The following PCDH15 variants were observed in gnomAD, a reference collection of about 807,000 sequenced individuals.
PCDH15 encodes the protein protocadherin related 15.
Under a neutral mutation model 178.5 loss-of-function variants are expected in PCDH15, and 129 were observed. That is an observed-to-expected ratio of 0.72 (90% confidence interval 0.63 to 0.84). The LOEUF is 0.84. Among genes scored for constraint, PCDH15 ranks in the 40% least tolerant of loss-of-function variants. The probability of loss-of-function intolerance (pLI) is 0.00; values close to 1 mark genes in which losing one functional copy is unlikely to be tolerated. For synonymous variants in PCDH15, 800 were observed against 732.0 expected, an observed-to-expected ratio of 1.09 and a Z score of -1.50; for missense variants, 2,230 against 2,099.9, an observed-to-expected ratio of 1.06 and a Z score of -1.21.
At chr10:54,795,476 T>C (rs1286375236) in intron 1 of PCDH15, among the ~76,000 whole-genome samples, 2 of 151,890 alleles carry the variant, frequency 1.3e-5, no homozygotes, top group Admixed American at 6.6e-5. Flanking sequence ...GATTGTTTCA[T>C]TGCAATGTTT....
intron 1 of PCDH15, among the ~76,000 whole-genome samples, chr10:55,226,110 T>A (rs187881577): frequency 9.8e-4 from 149 of 152,176 alleles, no homozygotes; most frequent in Non-Finnish European, 1.7e-3. Context: ...CTTAAACACA[T>A]CAGTTAATAA....
At chr10:54,679,685 G>A (rs2094863971) in intron 1 of PCDH15, among the ~76,000 whole-genome samples, 1 of 152,088 alleles carries the variant, frequency 6.6e-6, no homozygotes, top group Non-Finnish European at 1.5e-5. Flanking sequence ...ATAGTTATTT[G>A]TTTATAGAAA....
chr10:55,077,519 TTTCC>T (rs1210400961), intron 2 of PCDH15, among the ~76,000 whole-genome samples: 1 of 148,264 alleles, frequency 6.7e-6, no homozygotes, highest in Middle Eastern at 3.4e-3. Context: ...TCCTTCCTTC[TTTCC>T]TTCCTTCCTT....
chr10:54,015,421 A>C (rs529661313), intron 20 of PCDH15, among the ~76,000 whole-genome samples: 1 of 152,284 alleles, frequency 6.6e-6, no homozygotes, highest in South Asian at 2.1e-4. Flanking sequence ...ATATCAAACC[A>C]AAAATAAGCT....
chr10:55,039,809 C>G (rs189226108), intron 2 of PCDH15, among the ~76,000 whole-genome samples: 3 of 152,038 alleles, frequency 2.0e-5, no homozygotes, highest in Non-Finnish European at 4.4e-5. Context: ...TAGTAAATTA[C>G]GCCAATTCCT....
At chr10:54,084,381 G>A (rs1590317621) in intron 16 of PCDH15, among the ~76,000 whole-genome samples, 3 of 151,894 alleles carry the variant, frequency 2.0e-5, no homozygotes, top group South Asian at 4.2e-4. Context: ...GCTGAGGGAG[G>A]AGAATCCCTT....
chr10:53,974,164 C>G (rs140732044), intron 21 of PCDH15, among the ~76,000 whole-genome samples: 1,609 of 152,082 alleles, frequency 0.011, 20 homozygotes, highest in African/African-American at 0.021. Flanking sequence ...ATTACAGGGA[C>G]GCTCCATGCC....
chr10:54,124,178 T>A (rs2041799810), intron 15 of PCDH15, among the ~76,000 whole-genome samples: 1 of 144,944 alleles, frequency 6.9e-6, no homozygotes, highest in Non-Finnish European at 1.6e-5. Context: ...AAATAAAGAA[T>A]GGCAAAATTA....
At chr10:54,745,337 G>C (rs561227194) in intron 1 of PCDH15, among the ~76,000 whole-genome samples, 2 of 147,716 alleles carry the variant, frequency 1.4e-5, no homozygotes, top group African/African-American at 5.0e-5. Flanking sequence ...TCAAAGAAAA[G>C]ATTAAATGAG....
intron 15 of PCDH15, among the ~76,000 whole-genome samples, chr10:54,121,451 C>T (rs903462991): frequency 6.6e-6 from 1 of 151,928 alleles, no homozygotes; most frequent in Non-Finnish European, 1.5e-5. Context: ...TAGAGTTGAA[C>T]CAAATGAAAT....
At chr10:54,631,531 C>G (rs2093699861) in intron 2 of PCDH15, among the ~76,000 whole-genome samples, 1 of 152,058 alleles carries the variant, frequency 6.6e-6, no homozygotes, top group African/African-American at 2.4e-5. Context: ...TACCGTTAGA[C>G]CCAGCATTTA....
At chr10:54,969,294 G>A (rs1429947702) in intron 2 of PCDH15, among the ~76,000 whole-genome samples, 1 of 152,082 alleles carries the variant, frequency 6.6e-6, no homozygotes, top group Non-Finnish European at 1.5e-5. Flanking sequence ...TTATTTATAA[G>A]CTGTGTTAAG....
chr10:54,405,709 A>C (rs1329540981), intron 3 of PCDH15, among the ~76,000 whole-genome samples: 2 of 151,810 alleles, frequency 1.3e-5, no homozygotes, highest in East Asian at 1.9e-4. Flanking sequence ...AAAAAAAAAA[A>C]CTAAAAATTA....
At chr10:55,407,536 C>T (rs542992312) in intron 2 of PCDH15, among the ~76,000 whole-genome samples, 7 of 152,264 alleles carry the variant, frequency 4.6e-5, no homozygotes, top group Middle Eastern at 6.8e-3. Flanking sequence ...TTAAACCTCT[C>T]TAAGTCTCTA....
intron 2 of PCDH15, among the ~76,000 whole-genome samples, chr10:54,959,271 A>G (rs1427384249): frequency 6.6e-6 from 1 of 152,002 alleles, no homozygotes; most frequent in Non-Finnish European, 1.5e-5. Context: ...AAATATAAGC[A>G]TTAACTATTC....
chr10:55,446,325 A>G (rs1839315943), intron 2 of PCDH15, among the ~76,000 whole-genome samples: 1 of 151,742 alleles, frequency 6.6e-6, no homozygotes, highest in Non-Finnish European at 1.5e-5. Context: ...ATATATATAT[A>G]TAAAACATTC....
chr10:54,055,228 T>C (rs1213711507), intron 18 of PCDH15, among the ~76,000 whole-genome samples: 1 of 152,206 alleles, frequency 6.6e-6, no homozygotes, highest in African/African-American at 2.4e-5. Context: ...AGATTTAGCA[T>C]GCAGGTCTCA....
At chr10:54,589,983 G>T (rs952748451) in intron 2 of PCDH15, among the ~76,000 whole-genome samples, 2 of 152,220 alleles carry the variant, frequency 1.3e-5, no homozygotes, top group East Asian at 3.9e-4. Context: ...ATGAGCATTT[G>T]TCATTATCTT....
chr10:55,611,503 C>T (rs1843363925), intron 2 of PCDH15, among the ~76,000 whole-genome samples: 1 of 151,988 alleles, frequency 6.6e-6, no homozygotes, highest in Admixed American at 6.6e-5. Flanking sequence ...AAATGAAAGA[C>T]AAGTGTTGGT....
Sources: gnomAD v4.1 joint callset for allele counts (sites outside exome capture counted in the v4.1 genomes callset) on GRCh38, gnomAD v4.1.1 for gene constraint, MANE v1.5 for transcripts, NCBI Gene and HGNC (gene_info 2026-07-23, HGNC 2026-07-21) for gene names.